MACROH2A1: variants seen among roughly 807,000 people sequenced by gnomAD.
MACROH2A1 encodes the protein core histone macro-H2A.1.
MACROH2A1 carries 2 observed loss-of-function variants against 31.6 expected under a neutral mutation model. The ratio of observed to expected loss-of-function variants is 0.06; its 90% CI spans 0.03 to 0.20. MACROH2A1 has a LOEUF of 0.20. Ranked by LOEUF, MACROH2A1 falls within the 10% of genes least tolerant of loss-of-function variation. The pLI is 1.00. For missense variants in MACROH2A1, 230 were observed against 474.0 expected (o/e 0.49, Z 4.78); for synonymous variants, 169 against 189.6 (o/e 0.89, Z 0.89).
rs55986838 is a variant in MACROH2A1, at chr5:135,339,003, C to G, written c.954-3862G>C. On this transcript the variant is annotated intron_variant, in intron 8 of 8. Coordinates refer to ENST00000511689, the MANE Select transcript of MACROH2A1 (RefSeq NM_138610.3). ...GTACTGCGGCCACCATCAGCCCCAC[C>G]TGGGAGATGCGTGCACTGTTTGTTG... Among the ~76,000 whole-genome samples, 1,254 of 152,272 alleles carry G rather than the reference C, an allele frequency of 8.2e-3. 20 individuals carry two copies. Among genetic ancestry groups the G allele is most frequent in the African/African-American group, 0.029 (1,192 of 41,544 alleles).
chr5:135,342,667 T>C (rs1404505095), intron 8 of MACROH2A1, among the ~76,000 whole-genome samples: 1 of 152,198 alleles, frequency 6.6e-6, no homozygotes, highest in African/African-American at 2.4e-5. Context: ...GGCCCAGCCC[T>C]GTTTCAATCT....
chr5:135,360,645 G>T, intron 4 of MACROH2A1, 38 bp from the exon 5 acceptor site: 1 of 1,397,744 alleles, frequency 7.2e-7, no homozygotes, highest in Non-Finnish European at 1.0e-6. Flanking sequence ...GGGCCACACA[G>T]ACACAGGCAT....
In MACROH2A1 at chr5:135,337,885, G is replaced by A. The variant is rs773882126; in HGVS notation, c.954-2744C>T. Reference sequence around the variant, plus strand: ...GGTGGGTGAACATGAATCTGGATTTGTTTCCAGGACAACCCTTTGTTGACA... The same window carrying A: ...GGTGGGTGAACATGAATCTGGATTTATTTCCAGGACAACCCTTTGTTGACA... On this transcript the variant is annotated intron_variant, in intron 8 of 8. Transcript: ENST00000511689. The A allele has an allele frequency of 2.3e-5, 23 of 1,012,768 alleles. No individual in the cohort carries two copies. In the South Asian group the frequency reaches 5.7e-4, roughly 25 times the overall value. 62.7% of individuals were successfully genotyped at this position (1,012,768 alleles called of 1,614,324 possible).
intron 2 of MACROH2A1, among the ~76,000 whole-genome samples, chr5:135,370,947 G>A (rs901501437): frequency 6.6e-6 from 1 of 152,214 alleles, no homozygotes; most frequent in Non-Finnish European, 1.5e-5. Flanking sequence ...ACATGCTGAT[G>A]TATTTAGGGG....
At chr5:135,390,274 C>G (rs17168242) in intron 1 of MACROH2A1, among the ~76,000 whole-genome samples, 4,830 of 152,310 alleles carry the variant, frequency 0.032, 273 homozygotes, top group African/African-American at 0.11. Flanking sequence ...CTGCACACCA[C>G]AGCATTGATG....
At chr5:135,379,382 G>T (rs1431381526) in intron 2 of MACROH2A1, among the ~76,000 whole-genome samples, 1 of 152,188 alleles carries the variant, frequency 6.6e-6, no homozygotes, top group African/African-American at 2.4e-5. Flanking sequence ...GAGGAAGAAA[G>T]GGAGGGATCC....
At chr5:135,364,622 A>AC (rs963963548) in intron 4 of MACROH2A1, among the ~76,000 whole-genome samples, 8 of 152,224 alleles carry the variant, frequency 5.3e-5, no homozygotes, top group African/African-American at 1.7e-4. Flanking sequence ...AGCAGCAGAA[A>AC]ACCTGTTAGG....
intron 1 of MACROH2A1, among the ~76,000 whole-genome samples, chr5:135,395,045 C>T (rs1767777847): frequency 6.6e-6 from 1 of 152,156 alleles, no homozygotes; most frequent in Non-Finnish European, 1.5e-5. Flanking sequence ...GCTTGTAGAG[C>T]TACCTTGGGG....
chr5:135,361,923 A>G (rs904274092), intron 4 of MACROH2A1: 5 of 152,282 alleles, frequency 3.3e-5, no homozygotes, highest in Non-Finnish European at 7.3e-5. Flanking sequence ...AGGTTATGCT[A>G]TAAGTAAGAG....
chr5:135,373,848 G>T (rs1029814764), intron 2 of MACROH2A1, among the ~76,000 whole-genome samples: 14 of 152,306 alleles, frequency 9.2e-5, no homozygotes, highest in Middle Eastern at 3.4e-3. Flanking sequence ...GTCAAGTAGG[G>T]ATAACAAAGA....
At chr5:135,360,004 G>T in intron 5 of MACROH2A1, 1 of 590,442 alleles carries the variant, frequency 1.7e-6, no homozygotes, top group Non-Finnish European at 2.1e-6. Flanking sequence ...TCATCTGGTG[G>T]TTCAGTGAAG....
In MACROH2A1 at chr5:135,371,916, C is replaced by T. The variant is rs370159580; in HGVS notation, c.173-1774G>A. On this transcript the variant is annotated intron_variant, in intron 2 of 8. Transcript: ENST00000511689. ...ATAAAAATCGTGTGTTAAAAATTTACGGTATGACACAGGGCATGCATTTTT... is the reference window on the plus strand; with the variant it reads ...ATAAAAATCGTGTGTTAAAAATTTATGGTATGACACAGGGCATGCATTTTT... 2.4e-4 allele frequency among the ~76,000 whole-genome samples: 37 copies of T among 152,280 alleles called. No homozygotes were observed. In the East Asian group the frequency reaches 2.5e-3, roughly 10 times the overall value.
Position 135,369,317 on chromosome 5 carries a change from C to A in MACROH2A1, c.477+89G>T. 9.6e-7 allele frequency: 1 copy of A among 1,046,550 alleles called. No homozygotes were observed. The highest frequency in any genetic ancestry group is 1.5e-6 in the Non-Finnish European group (1 of 672,030). 64.8% of individuals were successfully genotyped at this position (1,046,550 alleles called of 1,614,324 possible). A position where few individuals can be genotyped will look rare whatever the true frequency, so the allele number is the denominator to read the frequency against. On this transcript the variant is annotated intron_variant, in intron 4 of 8. Transcript: ENST00000511689. This position sits in a 1 kb window ranked among gnomAD's most constrained non-coding sequence, Gnocchi z 4.3. ...TATTCTCCCATCAGTGGGATGAGCCCACAGGGGGAATGAGGGGGGTGCCCT... is the reference window on the plus strand; with the variant it reads ...TATTCTCCCATCAGTGGGATGAGCCAACAGGGGGAATGAGGGGGGTGCCCT...
At chr5:135,358,376 G>A (rs1334549673) in intron 5 of MACROH2A1, 2 of 985,210 alleles carry the variant, frequency 2.0e-6, no homozygotes, top group African/African-American at 1.7e-5. Context: ...GCTAAACAGT[G>A]TCTGCAGCAC....
intron 4 of MACROH2A1, among the ~76,000 whole-genome samples, chr5:135,366,388 A>G (rs1763505487): frequency 6.6e-6 from 1 of 152,158 alleles, no homozygotes; most frequent in Admixed American, 6.5e-5. Flanking sequence ...ACATGGTTCT[A>G]TGCACTTCCA....
intron 8 of MACROH2A1, chr5:135,337,877 C>T: frequency 1.0e-6 from 1 of 959,686 alleles, no homozygotes; most frequent in Non-Finnish European, 1.3e-6. Flanking sequence ...GAACATGAAT[C>T]TGGATTTGTT....
intron 4 of MACROH2A1, 110 bp from the exon 5 acceptor site, chr5:135,360,717 A>C: frequency 1.3e-6 from 1 of 781,646 alleles, no homozygotes; most frequent in Non-Finnish European, 2.2e-6. Context: ...AGGAAACTAA[A>C]CCACAACCAG....
At chr5:135,376,088 A>C (rs1764823257) in intron 2 of MACROH2A1, among the ~76,000 whole-genome samples, 2 of 152,172 alleles carry the variant, frequency 1.3e-5, no homozygotes, top group Non-Finnish European at 1.5e-5. Context: ...GGGCCACAGC[A>C]AAGCTCTCCA....
chr5:135,339,465 C>G (rs755241067), intron 8 of MACROH2A1, among the ~76,000 whole-genome samples: 1 of 152,158 alleles, frequency 6.6e-6, no homozygotes, highest in Non-Finnish European at 1.5e-5. Flanking sequence ...GCAGCAAATC[C>G]AGGCTAGGAG....
Sources: gnomAD v4.1 joint callset for allele counts (sites outside exome capture counted in the v4.1 genomes callset) on GRCh38, gnomAD v4.1.1 for gene constraint, Gnocchi (gnomAD v3.1) non-coding constraint, MANE v1.5 for transcripts, NCBI Gene and HGNC (gene_info 2026-07-23, HGNC 2026-07-21) for gene names.